NAPB: variants seen among roughly 807,000 people sequenced by gnomAD.
NAPB encodes the protein beta-soluble NSF attachment protein.
A neutral mutation model predicts 44.7 loss-of-function variants in NAPB; 26 were observed. The observed-to-expected ratio is 0.58, with a 90% CI of 0.43 to 0.81. The LOEUF (loss-of-function observed/expected upper bound fraction) is 0.81, where lower values mean the gene tolerates loss of function less well. Among genes scored for constraint, NAPB ranks in the 30% least tolerant of loss-of-function variants. The pLI, the probability that NAPB is intolerant of heterozygous loss-of-function variation, is 0.00. For missense variants in NAPB, 315 were observed against 356.4 expected, an observed-to-expected ratio of 0.88 and a Z score of 0.94; for synonymous variants, 120 against 116.8, an observed-to-expected ratio of 1.03 and a Z score of -0.18.
At chr20:23,410,676 C>A (rs945050419) in intron 1 of NAPB, among the ~76,000 whole-genome samples, 1 of 151,928 alleles carries the variant, frequency 6.6e-6, no homozygotes, top group Non-Finnish European at 1.5e-5. Flanking sequence ...TACCCCCTGA[C>A]TCTAAAATAA....
At chr20:23,414,997 A>G (rs1293718575) in intron 1 of NAPB, among the ~76,000 whole-genome samples, 4 of 152,172 alleles carry the variant, frequency 2.6e-5, no homozygotes, top group African/African-American at 9.7e-5. Flanking sequence ...TAATTCATAC[A>G]TGAATTAAGA....
At chr20:23,399,306 T>C (rs1388846511) in intron 2 of NAPB, among the ~76,000 whole-genome samples, 1 of 152,020 alleles carries the variant, frequency 6.6e-6, no homozygotes, top group Non-Finnish European at 1.5e-5. Context: ...GTGGGGCCTT[T>C]GGGGGAGTGA....
At chr20:23,421,236 C>CA (rs1485807967) in intron 1 of NAPB, 69 bp downstream of exon 1, 22 of 1,373,654 alleles carry the variant, frequency 1.6e-5, no homozygotes, top group Non-Finnish European at 2.1e-5. Flanking sequence ...CTCGGGGGGT[C>CA]AGCCTGAAAG....
At chr20:23,384,620 T>A (rs1983324931) in intron 7 of NAPB, among the ~76,000 whole-genome samples, 1 of 145,336 alleles carries the variant, frequency 6.9e-6, no homozygotes, top group Admixed American at 6.9e-5. Context: ...AGACCCAGTC[T>A]CAAAAAAAAA....
At chr20:23,382,140 T>C (rs574755526) in intron 7 of NAPB, among the ~76,000 whole-genome samples, 192 of 152,216 alleles carry the variant, frequency 1.3e-3, no homozygotes, top group Middle Eastern at 3.4e-3. Flanking sequence ...ACTCTCACCA[T>C]ACCAAGAACA....
rs1986417651 is a variant in NAPB, at chr20:23,421,328, G to C, written c.75C>G (p.His25Gln). The C allele has an allele frequency of 1.3e-6, 2 of 1,564,252 alleles. No homozygotes were observed. The highest frequency in any genetic ancestry group is 1.7e-6 in the Non-Finnish European group (2 of 1,154,146). Reference protein sequence around the residue: ...AEAEKRVKASHSFLRGLFGGN... With the variant: ...AEAEKRVKASQSFLRGLFGGN... ...ACCCAAACAGCCCTCGGAGGAAGGA[G>C]TGGGAGGCCTTGACTCGCTTCTCGG... is the stretch of plus-strand genomic sequence containing the variant. Residue 25 changes from histidine (H) to glutamine (Q), a missense_variant, in exon 1 of 11, where the codon CAC becomes CAG. Physicochemically the swap from His to Gln is conservative, Grantham distance 24 (BLOSUM62 0). This residue lies in a region of NAPB where 179 missense variants were observed against 182.5 expected (regional missense o/e 0.98). Coordinates refer to ENST00000377026, the MANE Select transcript of NAPB (RefSeq NM_022080.3).
At chr20:23,392,689 T>TA (rs1239093865) in intron 5 of NAPB, among the ~76,000 whole-genome samples, 1 of 151,660 alleles carries the variant, frequency 6.6e-6, no homozygotes, top group Non-Finnish European at 1.5e-5. Context: ...GATAGTTTTT[T>TA]TTTTTATATT....
In NAPB at chr20:23,403,014, T is replaced by G; in HGVS notation, c.157A>C (p.Lys53Gln). Residue 53 changes from lysine to glutamine, a missense_variant, in exon 2 of 11, where the codon AAG becomes CAG. Transcript: ENST00000377026. ...EMYTRAANMF[K>Q]MAKNWSAAGN... ...ATACCACTCCAATTTTTAGCCATCT[T>G]GAACATATTTGCAGCTCTGGTATAC... 1.2e-6 allele frequency: 2 copies of G among 1,613,928 alleles called. No individual in the cohort carries two copies. Among genetic ancestry groups the G allele is most frequent in the African/African-American group, 1.3e-5 (1 of 75,056 alleles).
chr20:23,418,341 G>A (rs894485956), intron 1 of NAPB, among the ~76,000 whole-genome samples: 4 of 152,144 alleles, frequency 2.6e-5, no homozygotes, highest in African/African-American at 9.7e-5. Context: ...AGAAGGCAGG[G>A]GCAGGGTGGA....
intron 2 of NAPB, among the ~76,000 whole-genome samples, chr20:23,401,927 A>T (rs1338865904): frequency 6.6e-6 from 1 of 152,206 alleles, no homozygotes; most frequent in Non-Finnish European, 1.5e-5. Flanking sequence ...TAAATAAGTA[A>T]GTAAGTGATC....
At chr20:23,417,165 C>A (rs1428717721) in intron 1 of NAPB, among the ~76,000 whole-genome samples, 1 of 149,984 alleles carries the variant, frequency 6.7e-6, no homozygotes, top group Non-Finnish European at 1.5e-5. Flanking sequence ...CTCACTACAA[C>A]CTCCACCTCC....
At chr20:23,379,957 T>C in intron 8 of NAPB, 22 bp from the exon 9 acceptor site, 2 of 1,601,864 alleles carry the variant, frequency 1.2e-6, no homozygotes, top group Non-Finnish European at 1.7e-6. Context: ...AAACCACTCA[T>C]CAATTTCAGA....
intron 10 of NAPB, among the ~76,000 whole-genome samples, chr20:23,378,582 C>T (rs1251268271): frequency 1.3e-5 from 2 of 149,884 alleles, no homozygotes; most frequent in Non-Finnish European, 3.0e-5. Flanking sequence ...GCTGGTATTA[C>T]AGGCACACTC....
chr20:23,400,053 G>A (rs1405719756), intron 2 of NAPB, among the ~76,000 whole-genome samples: 1 of 152,176 alleles, frequency 6.6e-6, no homozygotes, highest in African/African-American at 2.4e-5. Context: ...TTCTTGCTCA[G>A]TAATACCACA....
chr20:23,420,809 GC>G (rs66487020), intron 1 of NAPB, among the ~76,000 whole-genome samples: 13,656 of 148,742 alleles, frequency 0.092, 1,306 homozygotes, highest in African/African-American at 0.24. Flanking sequence ...GAGGCTGACA[GC>G]CCCCCCCCCA....
intron 5 of NAPB, among the ~76,000 whole-genome samples, chr20:23,391,746 A>C (rs74809795): frequency 0.076 from 11,557 of 152,316 alleles, 670 homozygotes; most frequent in East Asian, 0.3. Context: ...AATTTCATAT[A>C]ATTTTTACAC....
chr20:23,418,510 T>C (rs1986157915), intron 1 of NAPB, among the ~76,000 whole-genome samples: 1 of 152,174 alleles, frequency 6.6e-6, no homozygotes. Context: ...ACTAAACTCC[T>C]AAAATTCTAA....
intron 2 of NAPB, among the ~76,000 whole-genome samples, chr20:23,401,640 GGAGGCC>G (rs1248092272): frequency 6.6e-6 from 1 of 152,186 alleles, no homozygotes; most frequent in African/African-American, 2.4e-5. Flanking sequence ...CAGCACTTTG[GGAGGCC>G]GAGGTGGGTG....
Position 23,379,507 on chromosome 20 carries a change from A to C in NAPB, c.736-12T>G. ...GCTTCTAGGAGTTTCTGGTAGCATA[A>C]AAATATTTTAAAAAACAGTTCTGTA... is the stretch of plus-strand genomic sequence containing the variant. On this transcript the variant is annotated splice_polypyrimidine_tract_variant and intron_variant, in intron 9 of 10. Transcript: ENST00000377026. 1 of 1,597,528 alleles carries C rather than the reference A, an allele frequency of 6.3e-7. No homozygotes were observed. Among genetic ancestry groups the C allele is most frequent in the Non-Finnish European group, 8.5e-7 (1 of 1,171,862 alleles).
Sources: allele counts gnomAD v4.1 joint callset (sites outside exome capture counted in the v4.1 genomes callset), GRCh38; gene constraint gnomAD v4.1.1; regional missense constraint gnomAD v4.1.1; transcripts MANE v1.5; gene names NCBI Gene and HGNC (gene_info 2026-07-23, HGNC 2026-07-21).